SRPK2: variants seen among roughly 807,000 people sequenced by gnomAD.
SRPK2 encodes the protein SFRS protein kinase 2.
A neutral mutation model predicts 90.8 loss-of-function variants in SRPK2; 21 were observed. The ratio of observed to expected loss-of-function variants is 0.23; its 90% CI spans 0.16 to 0.33. The LOEUF is 0.33. Among genes scored for constraint, SRPK2 ranks in the 10% least tolerant of loss-of-function variants. The pLI, the probability that SRPK2 is intolerant of heterozygous loss-of-function variation, is 1.00. For missense variants in SRPK2, 620 were observed against 869.0 expected (o/e 0.71, Z 3.60); for synonymous variants, 288 against 311.1 (o/e 0.93, Z 0.78).
At chr7:105,376,531 TTTC>T (rs887225773) in intron 2 of SRPK2, among the ~76,000 whole-genome samples, 10 of 151,646 alleles carry the variant, frequency 6.6e-5, no homozygotes, top group African/African-American at 2.2e-4. Flanking sequence ...CCATCCTTTT[TTTC>T]TTTTTTTTTT....
At chr7:105,262,970 C>T (rs533119732) in intron 2 of SRPK2, among the ~76,000 whole-genome samples, 1 of 152,306 alleles carries the variant, frequency 6.6e-6, no homozygotes, top group East Asian at 1.9e-4. Flanking sequence ...TCAGCAACTG[C>T]ACTCCTAGGA....
intron 2 of SRPK2, among the ~76,000 whole-genome samples, chr7:105,332,618 G>T (rs1022732948): frequency 6.6e-6 from 1 of 151,812 alleles, no homozygotes; most frequent in Non-Finnish European, 1.5e-5. Context: ...ACAAAACTTA[G>T]CAAGGTGTGG....
At chr7:105,272,090 ACT>A (rs762740873) in intron 2 of SRPK2, among the ~76,000 whole-genome samples, 2 of 152,012 alleles carry the variant, frequency 1.3e-5, no homozygotes, top group Admixed American at 6.6e-5. Flanking sequence ...TTTTAAAATG[ACT>A]CTCTTGTCAT....
intron 11 of SRPK2, among the ~76,000 whole-genome samples, chr7:105,133,938 G>C (rs1003434522): frequency 3.3e-5 from 5 of 152,098 alleles, no homozygotes; most frequent in African/African-American, 1.2e-4. Context: ...GTATCAAGCA[G>C]AGTTAACCAA....
intron 3 of SRPK2, among the ~76,000 whole-genome samples, chr7:105,174,381 A>G (rs1010792151): frequency 6.6e-6 from 1 of 152,198 alleles, no homozygotes; most frequent in African/African-American, 2.4e-5. Flanking sequence ...ACTCCATGAC[A>G]ATGTTCTGGA....
intron 2 of SRPK2, among the ~76,000 whole-genome samples, chr7:105,211,659 A>G (rs1199035575): frequency 6.6e-6 from 1 of 152,138 alleles, no homozygotes. Context: ...ATCTACCCCC[A>G]TGATCCAATC....
intron 11 of SRPK2, among the ~76,000 whole-genome samples, chr7:105,133,485 T>C (rs1198434978): frequency 6.6e-6 from 1 of 152,108 alleles, no homozygotes; most frequent in Non-Finnish European, 1.5e-5. Context: ...TGCTGATGCA[T>C]TATTACAAGG....
chr7:105,170,897 AAGAAAGAAAGAAAGAAAGGAG>A (rs1790885058), intron 3 of SRPK2, among the ~76,000 whole-genome samples: 8 of 128,622 alleles, frequency 6.2e-5, no homozygotes, highest in East Asian at 2.4e-4. Flanking sequence ...GAAAGAAAGA[AAGAAAGAAAGAAAGAAAGGAG>A]AAAGAAAAAG....
upstream of SRPK2, among the ~76,000 whole-genome samples, chr7:105,389,642 G>A (rs1026545945): frequency 6.6e-6 from 1 of 152,154 alleles, no homozygotes; most frequent in Non-Finnish European, 1.5e-5. Flanking sequence ...GTTATTTTCT[G>A]CATCCTACAA....
intron 3 of SRPK2, among the ~76,000 whole-genome samples, chr7:105,170,995 G>C (rs1048645041): frequency 8.5e-6 from 1 of 117,762 alleles, no homozygotes; most frequent in Admixed American, 9.7e-5. Context: ...AAGAAAGAAA[G>C]AGAAAGAAAG....
chr7:105,245,957 GC>G (rs1281619641), intron 2 of SRPK2, among the ~76,000 whole-genome samples: 2 of 152,130 alleles, frequency 1.3e-5, no homozygotes, highest in African/African-American at 4.8e-5. Flanking sequence ...AAGCCTGTGG[GC>G]CCCACTGTTG....
intron 1 of SRPK2, among the ~76,000 whole-genome samples, chr7:105,398,107 T>C (rs947493716): frequency 1.3e-5 from 2 of 152,226 alleles, no homozygotes; most frequent in African/African-American, 4.8e-5. Flanking sequence ...TTGGTCTCCA[T>C]AGCAGTCCAA....
At chr7:105,302,275 T>C (rs1585619629) in intron 2 of SRPK2, among the ~76,000 whole-genome samples, 1 of 152,246 alleles carries the variant, frequency 6.6e-6, no homozygotes, top group South Asian at 2.1e-4. Flanking sequence ...TTTCACAAAC[T>C]TGCCTTAATA....
At chr7:105,398,573 T>C (rs551449196) in intron 1 of SRPK2, among the ~76,000 whole-genome samples, 24 of 152,052 alleles carry the variant, frequency 1.6e-4, no homozygotes, top group Admixed American at 9.2e-4. Context: ...TAGTAGAGAC[T>C]AAAATTTTAG....
chr7:105,243,955 A>G (rs1169994942), intron 2 of SRPK2, among the ~76,000 whole-genome samples: 1 of 152,146 alleles, frequency 6.6e-6, no homozygotes, highest in Non-Finnish European at 1.5e-5. Context: ...TGGAGTCCCA[A>G]CTCTGCCATT....
chr7:105,122,144 CATACAAAA>C (rs1255822434), intron 15 of SRPK2, among the ~76,000 whole-genome samples: 1 of 152,132 alleles, frequency 6.6e-6, no homozygotes, highest in African/African-American at 2.4e-5. Flanking sequence ...CCTCACATCC[CATACAAAA>C]ATCAACTCAA....
chr7:105,115,823 T>C (rs1308256125), downstream of SRPK2, among the ~76,000 whole-genome samples: 2 of 152,138 alleles, frequency 1.3e-5, no homozygotes, highest in African/African-American at 4.8e-5. Flanking sequence ...ATAAAAATCC[T>C]TTTACACTTA....
chr7:105,320,688 A>C (rs1812838119), intron 2 of SRPK2, among the ~76,000 whole-genome samples: 2 of 152,244 alleles, frequency 1.3e-5, no homozygotes, highest in South Asian at 4.1e-4. Context: ...CTGTGGCCAA[A>C]GACCTTCATA....
At chr7:105,125,891 T>A in intron 15 of SRPK2, 1 of 1,268,276 alleles carries the variant, frequency 7.9e-7, no homozygotes, top group Non-Finnish European at 1.0e-6. Context: ...TGGGAAACAT[T>A]GCCAGCAAAA....
Sources: gnomAD v4.1 joint callset for allele counts (sites outside exome capture counted in the v4.1 genomes callset) on GRCh38, gnomAD v4.1.1 for gene constraint, MANE v1.5 for transcripts, NCBI Gene and HGNC (gene_info 2026-07-23, HGNC 2026-07-21) for gene names.